Variants in NECAB1 observed in about 807,000 individuals in gnomAD.
The protein encoded by NECAB1 is N-terminal EF-hand calcium-binding protein 1.
In NECAB1, 29 loss-of-function variants were observed where a neutral mutation model predicts 57.5. The observed-to-expected ratio is 0.50, with a 90% CI of 0.38 to 0.69. The LOEUF (loss-of-function observed/expected upper bound fraction) is 0.69. Among genes scored for constraint, NECAB1 ranks in the 30% least tolerant of loss-of-function variants. NECAB1 has a pLI of 0.00. For synonymous variants in NECAB1, 142 were observed against 147.7 expected (o/e 0.96, Z 0.28); for missense variants, 372 against 413.8 (o/e 0.90, Z 0.88).
At chr8:90,888,184 A>G (rs1401028729) in intron 5 of NECAB1, among the ~76,000 whole-genome samples, 2 of 152,170 alleles carry the variant, frequency 1.3e-5, no homozygotes, top group East Asian at 1.9e-4. Flanking sequence ...TTAGATTGCT[A>G]GCGGGAACAT....
intron 5 of NECAB1, among the ~76,000 whole-genome samples, chr8:90,892,677 G>A (rs1386567384): frequency 6.6e-6 from 1 of 152,062 alleles, no homozygotes; most frequent in Non-Finnish European, 1.5e-5. Flanking sequence ...CCACTGTCTG[G>A]GCCACATGAG....
chr8:90,953,519 T>C (rs1453344476), intron 12 of NECAB1, among the ~76,000 whole-genome samples: 3 of 152,230 alleles, frequency 2.0e-5, no homozygotes, highest in Non-Finnish European at 4.4e-5. Context: ...CAACAATGAT[T>C]ACTGGAATTT....
At chr8:90,906,874 C>CATATATATATAT (rs1290352726) in intron 5 of NECAB1, among the ~76,000 whole-genome samples, 60 of 42,626 alleles carry the variant, frequency 1.4e-3, no homozygotes, top group African/African-American at 0.012. Flanking sequence ...ATATGATATA[C>CATATATATATAT]ACATATATAT....
intron 9 of NECAB1, among the ~76,000 whole-genome samples, chr8:90,938,251 C>T (rs1406166954): frequency 1.3e-5 from 2 of 152,120 alleles, no homozygotes; most frequent in Non-Finnish European, 2.9e-5. Flanking sequence ...AAATATCCAG[C>T]CATACTTCTA....
At chr8:90,954,814 GTATAT>G (rs1399874539) in intron 12 of NECAB1, among the ~76,000 whole-genome samples, 1 of 147,950 alleles carries the variant, frequency 6.8e-6, no homozygotes, top group Non-Finnish European at 1.5e-5. Flanking sequence ...GTATTTATAT[GTATAT>G]TATATATTAT....
At chr8:90,862,358 T>C (rs912740558) in intron 3 of NECAB1, among the ~76,000 whole-genome samples, 3 of 152,270 alleles carry the variant, frequency 2.0e-5, no homozygotes, top group South Asian at 2.1e-4. Flanking sequence ...AGAAGTTTCA[T>C]TGGAGATACC....
intron 5 of NECAB1, among the ~76,000 whole-genome samples, chr8:90,887,663 A>G (rs1452057654): frequency 6.6e-6 from 1 of 152,160 alleles, no homozygotes; most frequent in African/African-American, 2.4e-5. Context: ...GGCAATTTTA[A>G]TAAAGGAAAA....
intron 2 of NECAB1, among the ~76,000 whole-genome samples, chr8:90,816,903 G>A (rs369135304): frequency 6.6e-6 from 1 of 151,554 alleles, no homozygotes. Context: ...AGTTGGGAAG[G>A]ATTGACACCT....
intron 3 of NECAB1, among the ~76,000 whole-genome samples, chr8:90,868,338 A>G (rs1369036443): frequency 1.3e-5 from 2 of 152,188 alleles, no homozygotes; most frequent in East Asian, 3.8e-4. Context: ...TGTGGAAGCA[A>G]CTTTGGAGCT....
chr8:90,942,921 C>T lies in NECAB1; in HGVS notation c.860+2023C>T, dbSNP rs959355614. ...ATGCAAACAGTACCTATATATACAC[C>T]GTTCACAGTGTAAACTTCCCAAAAT... On this transcript the variant is annotated intron_variant, in intron 10 of 12. Transcript: ENST00000417640. Among the ~76,000 whole-genome samples the T allele has an allele frequency of 5.9e-5, 9 of 151,998 alleles. No homozygotes were observed. In the South Asian group the frequency reaches 1.2e-3, roughly 21 times the overall value.
intron 3 of NECAB1, among the ~76,000 whole-genome samples, chr8:90,826,039 C>A (rs1260404515): frequency 1.3e-5 from 2 of 151,674 alleles, no homozygotes; most frequent in Non-Finnish European, 2.9e-5. Context: ...GAAATTTTAG[C>A]CCAATTTTTT....
In NECAB1 at chr8:90,841,100, C is replaced by CAA. The variant is rs71560283; in HGVS notation, c.233+16284_233+16285dup. Among the ~76,000 whole-genome samples, 157 of 148,750 alleles carry CAA rather than the reference C, an allele frequency of 1.1e-3. 1 individual carries two copies. Among genetic ancestry groups the CAA allele is most frequent in the East Asian group, 4.0e-4 (2 of 5,036 alleles). ...TGAAACCCTGCCTCTACTAAAAATA[C>CAA]AAAAAAAAAATTAGCCGGGCATGGT... On this transcript the variant is annotated intron_variant, in intron 3 of 12. Coordinates refer to ENST00000417640, the MANE Select transcript of NECAB1 (RefSeq NM_022351.5).
intron 1 of NECAB1, among the ~76,000 whole-genome samples, chr8:90,793,740 A>G (rs762218863): frequency 2.6e-4 from 40 of 152,142 alleles, no homozygotes; most frequent in Non-Finnish European, 2.4e-4. Flanking sequence ...TCCCCCATTG[A>G]GATCAAGTGC....
chr8:90,858,060 A>G (rs906138965), intron 3 of NECAB1, among the ~76,000 whole-genome samples: 2 of 152,204 alleles, frequency 1.3e-5, no homozygotes, highest in African/African-American at 4.8e-5. Context: ...ACTATAATGT[A>G]TCATCCTGCA....
chr8:90,801,748 A>G, intron 2 of NECAB1, 33 bp downstream of exon 2: 1 of 1,366,060 alleles, frequency 7.3e-7, no homozygotes, highest in Admixed American at 2.1e-5. Flanking sequence ...TCTATTTATT[A>G]ATCTCTTACA....
In NECAB1 at chr8:90,868,446, C is replaced by A. The variant is rs376161742; in HGVS notation, c.234-3682C>A. ...GTTAAATGGTTGTTACCAAAATGTC[C>A]ATAGTGATATGGGCAGTGAAGTCCA... On this transcript the variant is annotated intron_variant, in intron 3 of 12. Transcript: ENST00000417640. 1.3e-4 allele frequency among the ~76,000 whole-genome samples: 20 copies of A among 152,200 alleles called. No individual in the cohort carries two copies. The South Asian group carries it at 2.1e-3, about 16-fold the overall frequency.
chr8:90,802,480 A>G (rs1811775279), intron 2 of NECAB1, among the ~76,000 whole-genome samples: 1 of 152,064 alleles, frequency 6.6e-6, no homozygotes, highest in African/African-American at 2.4e-5. Flanking sequence ...TTTTGCTGCT[A>G]TATTATAAGT....
chr8:90,916,136 AG>A (rs1809945717), intron 5 of NECAB1, among the ~76,000 whole-genome samples: 1 of 152,254 alleles, frequency 6.6e-6, no homozygotes, highest in South Asian at 2.1e-4. Flanking sequence ...TCAGTAGATA[AG>A]AAAATTTCCT....
At chr8:90,896,356 G>A (rs1809331643) in intron 5 of NECAB1, among the ~76,000 whole-genome samples, 1 of 152,188 alleles carries the variant, frequency 6.6e-6, no homozygotes, top group South Asian at 2.1e-4. Context: ...TGTAATCCCA[G>A]CACTTTGGGA....
Sources: gnomAD v4.1 joint callset for allele counts (sites outside exome capture counted in the v4.1 genomes callset) on GRCh38, gnomAD v4.1.1 for gene constraint, MANE v1.5 for transcripts, NCBI Gene and HGNC (gene_info 2026-07-23, HGNC 2026-07-21) for gene names.